The following KLC1 variants were observed in gnomAD, a reference collection of about 807,000 sequenced individuals.
The protein encoded by KLC1 is kinesin light chain 1.
KLC1 carries 30 observed loss-of-function variants against 84.2 expected under a neutral mutation model. That is an observed-to-expected ratio of 0.36 (90% CI 0.27 to 0.48). The LOEUF is 0.48. Among genes scored for constraint, KLC1 ranks in the 20% least tolerant of loss-of-function variants. The pLI is 0.99. For missense variants in KLC1, 499 were observed against 805.4 expected (o/e 0.62, Z 4.60); for synonymous variants, 289 against 293.3 (o/e 0.99, Z 0.15).
intron 15 of KLC1, among the ~76,000 whole-genome samples, chr14:103,697,370 C>T (rs1384184070): frequency 1.3e-5 from 2 of 152,156 alleles, no homozygotes; most frequent in Non-Finnish European, 2.9e-5. Flanking sequence ...CCAGTGCCAG[C>T]CCCCCTTCCT....
At chr14:103,654,981 CT>C in intron 2 of KLC1, 156 bp downstream of exon 2, 2 of 790,350 alleles carry the variant, frequency 2.5e-6, no homozygotes, top group Non-Finnish European at 3.8e-6. Flanking sequence ...AATCCAAGCA[CT>C]TTGGGAGGCT....
At chr14:103,654,521 C>T in intron 1 of KLC1, 43 bp from the exon 2 acceptor site, 1 of 1,494,336 alleles carries the variant, frequency 6.7e-7, no homozygotes, top group Non-Finnish European at 8.9e-7. Flanking sequence ...AGAAATGAAA[C>T]CTGTAATGAG....
intron 15 of KLC1, chr14:103,696,113 C>T: frequency 1.1e-6 from 1 of 948,014 alleles, no homozygotes; most frequent in East Asian, 1.3e-4. Flanking sequence ...CCGCCCCCCC[C>T]CACAGCAGCC....
At chr14:103,700,366 T>C (rs1020075391) in intron 15 of KLC1, 3 of 384,910 alleles carry the variant, frequency 7.8e-6, no homozygotes, top group Admixed American at 4.6e-5. Context: ...TGCCGTGGCC[T>C]GTGGGTGCCA....
At chr14:103,692,131 T>C (rs190435313) in intron 14 of KLC1, among the ~76,000 whole-genome samples, 1 of 152,338 alleles carries the variant, frequency 6.6e-6, no homozygotes, top group Admixed American at 6.5e-5. Context: ...TATGGTACTT[T>C]AAAAGAAGCA....
chr14:103,699,980 C>T lies in KLC1; in HGVS notation c.1849-675C>T, dbSNP rs776468518. The stretch of plus-strand genomic sequence containing the variant: ...AACCAGCCCCCTCCTTCAGTGGCCC[C>T]GCACCAGGTACTCAGACCACCCAAA... On this transcript the variant is annotated intron_variant, in intron 15 of 16. Transcript: ENST00000334553. The T allele has an allele frequency of 5.9e-5, 19 of 320,518 alleles. No individual in the cohort carries two copies. The East Asian group carries it at 6.3e-4, about 11-fold the overall frequency. 19.9% of individuals were successfully genotyped at this position (320,518 alleles called of 1,614,324 possible). A position where few individuals can be genotyped will look rare whatever the true frequency, so the allele number is the denominator to read the frequency against.
chr14:103,688,653 A>T (rs991008054), intron 14 of KLC1, among the ~76,000 whole-genome samples: 1 of 151,604 alleles, frequency 6.6e-6, no homozygotes, highest in Admixed American at 6.6e-5. Context: ...TCGTGGATGG[A>T]GACTTCTCTT....
intron 15 of KLC1, chr14:103,696,834 G>A: frequency 3.0e-6 from 3 of 985,324 alleles, no homozygotes; most frequent in Non-Finnish European, 3.6e-6. Flanking sequence ...GCCCTGGCCT[G>A]GAACTGTGCT....
At position 103,694,912 on chromosome 14, in the gene KLC1, G is replaced by A. The variant is rs556946018; in HGVS notation, c.1848+2487G>A. The A allele has an allele frequency of 1.9e-3, 1,834 of 985,484 alleles. 2 individuals are homozygous for A. Among genetic ancestry groups the A allele is most frequent in the Non-Finnish European group, 2.1e-3 (1,759 of 829,942 alleles). 61.0% of individuals were successfully genotyped at this position (985,484 alleles called of 1,614,324 possible). On this transcript the variant is annotated intron_variant, in intron 15 of 16. Coordinates refer to ENST00000334553, the MANE Select transcript of KLC1 (RefSeq NM_001394837.1). This position sits in a 1 kb window ranked among gnomAD's most constrained non-coding sequence, Gnocchi z 4.5. ...AGGACTGCTGTGTTTGTGAAAGCGC[G>A]TTTGTTTCCACAAGACAAGCTCCGT...
chr14:103,692,476 A>T, intron 15 of KLC1, 51 bp downstream of exon 15: 1 of 1,484,506 alleles, frequency 6.7e-7, no homozygotes, highest in Admixed American at 2.0e-5. Flanking sequence ...CCACGCTGGC[A>T]GGTCTGCTGC....
Position 103,693,597 on chromosome 14 carries a change from C to T in KLC1, c.1848+1172C>T. ...CCGACTCGCGAGCTCTGAGTGCCAGCCACACTGACCTGGCCCACTGAGAGC... is the reference window on the plus strand; with the variant it reads ...CCGACTCGCGAGCTCTGAGTGCCAGTCACACTGACCTGGCCCACTGAGAGC... On this transcript the variant is annotated intron_variant, in intron 15 of 16. Coordinates refer to ENST00000334553, the MANE Select transcript of KLC1 (RefSeq NM_001394837.1). The surrounding 1 kb of genome is among the most constrained non-coding windows in gnomAD (Gnocchi z 5.1). The T allele has an allele frequency of 1.3e-6, 2 of 1,536,130 alleles. No homozygotes were observed. The highest frequency in any genetic ancestry group is 1.7e-6 in the Non-Finnish European group (2 of 1,146,918).
At chr14:103,680,934 GCT>G (rs1043617286) in intron 13 of KLC1, among the ~76,000 whole-genome samples, 9 of 152,192 alleles carry the variant, frequency 5.9e-5, no homozygotes, top group African/African-American at 2.2e-4. Flanking sequence ...ACGATTCAGA[GCT>G]CTGTTACCAT....
chr14:103,684,551 C>T (rs1445886287), intron 13 of KLC1, among the ~76,000 whole-genome samples: 1 of 152,216 alleles, frequency 6.6e-6, no homozygotes, highest in Non-Finnish European at 1.5e-5. Context: ...AGACCCGCTC[C>T]ACTGCCAACC....
chr14:103,657,468 C>A (rs1266724962), intron 2 of KLC1, 78 bp from the exon 3 acceptor site: 20 of 1,106,024 alleles, frequency 1.8e-5, no homozygotes, highest in Non-Finnish European at 2.7e-5. Flanking sequence ...CAGCCCCAGC[C>A]ACAGAATGTT....
In KLC1 at chr14:103,699,658, A is replaced by G. The variant is rs1031702146; in HGVS notation, c.1849-997A>G. The G allele has an allele frequency of 4.1e-6, 6 of 1,448,412 alleles. No homozygotes were observed. The African/African-American group carries it at 8.4e-5, about 20-fold the overall frequency. 89.7% of individuals were successfully genotyped at this position (1,448,412 alleles called of 1,614,324 possible). A position where few individuals can be genotyped will look rare whatever the true frequency, so the allele number is the denominator to read the frequency against. On this transcript the variant is annotated intron_variant, in intron 15 of 16. Transcript: ENST00000334553. ...CAGACCCCGTTTGGACTGTCACTCG[A>G]CCGTCTGAAAACCTTCCTACCCACC...
intron 5 of KLC1, among the ~76,000 whole-genome samples, chr14:103,663,625 C>T (rs926714670): frequency 6.6e-6 from 1 of 152,202 alleles, no homozygotes; most frequent in Non-Finnish European, 1.5e-5. Context: ...TTTTGGAATC[C>T]GGGATTCAAC....
chr14:103,645,762 CTT>C (rs34476127), intron 1 of KLC1, among the ~76,000 whole-genome samples: 2 of 145,652 alleles, frequency 1.4e-5, no homozygotes, highest in Non-Finnish European at 1.5e-5. Flanking sequence ...TGTTACAATC[CTT>C]TTTTTTTTTT....
At chr14:103,658,309 G>A (rs2078974507) in intron 3 of KLC1, among the ~76,000 whole-genome samples, 1 of 152,092 alleles carries the variant, frequency 6.6e-6, no homozygotes, top group South Asian at 2.1e-4. Flanking sequence ...CACTCAGGCT[G>A]GAGTGCAATG....
At chr14:103,652,653 G>A (rs942135456) in intron 1 of KLC1, among the ~76,000 whole-genome samples, 1 of 152,036 alleles carries the variant, frequency 6.6e-6, no homozygotes, top group Admixed American at 6.6e-5. Flanking sequence ...CATCAGGCTC[G>A]GCTGATTTTT....
Sources: allele counts gnomAD v4.1 joint callset (sites outside exome capture counted in the v4.1 genomes callset), GRCh38; gene constraint gnomAD v4.1.1; non-coding constraint Gnocchi (gnomAD v3.1); transcripts MANE v1.5; gene names NCBI Gene and HGNC (gene_info 2026-07-23, HGNC 2026-07-21).